BCAS3: variants seen among roughly 807,000 people sequenced by gnomAD.
BCAS3 encodes the protein BCAS4/BCAS3 fusion.
BCAS3 carries 53 observed loss-of-function variants against 116.1 expected under a neutral mutation model. The ratio of observed to expected loss-of-function variants is 0.46; its 90% CI spans 0.37 to 0.57. BCAS3 has a LOEUF of 0.57. Ranked by LOEUF, BCAS3 falls within the 20% of genes least tolerant of loss-of-function variation. The probability of loss-of-function intolerance (pLI) is 0.00; values close to 1 mark genes in which losing one functional copy is unlikely to be tolerated. For missense variants in BCAS3, 917 were observed against 1,165.4 expected, an observed-to-expected ratio of 0.79 and a Z score of 3.10; for synonymous variants, 391 against 408.2, an observed-to-expected ratio of 0.96 and a Z score of 0.51.
At position 61,176,492 on chromosome 17, in the gene BCAS3, G is replaced by GT. The variant is rs1204585340; in HGVS notation, c.2425+91934dup. On this transcript the variant is annotated intron_variant, in intron 22 of 23. Transcript: ENST00000407086. ...CCTGTCCCCCCATTGTCAGTGATTT[G>GT]TTTTTTCTGACAGGTTGAAAATTGT... Among the ~76,000 whole-genome samples, 3 of 150,596 alleles carry GT rather than the reference G, an allele frequency of 2.0e-5. No homozygotes were observed. In the South Asian group the frequency reaches 6.3e-4, roughly 32 times the overall value.
intron 22 of BCAS3, among the ~76,000 whole-genome samples, chr17:61,245,729 C>T (rs1290121706): frequency 2.6e-5 from 4 of 152,076 alleles, no homozygotes; most frequent in Non-Finnish European, 5.9e-5. Context: ...AGCTATTGGG[C>T]TCTCAGAAAA....
intron 16 of BCAS3, among the ~76,000 whole-genome samples, chr17:61,030,183 ATTCTT>A (rs1253021539): frequency 6.6e-6 from 1 of 152,084 alleles, no homozygotes; most frequent in Non-Finnish European, 1.5e-5. Context: ...AATATTGACT[ATTCTT>A]TTATGTTTTA....
At chr17:61,268,988 A>G (rs977493340) in intron 22 of BCAS3, among the ~76,000 whole-genome samples, 2 of 152,124 alleles carry the variant, frequency 1.3e-5, no homozygotes, top group South Asian at 2.1e-4. Flanking sequence ...ATATATGTAT[A>G]TACCCCATTT....
chr17:61,265,907 A>G lies in BCAS3; in HGVS notation c.2426-102420A>G, dbSNP rs2049658931. Among the ~76,000 whole-genome samples, 1 of 152,194 alleles carries G rather than the reference A, an allele frequency of 6.6e-6. No individual in the cohort carries two copies. The highest frequency in any genetic ancestry group is 1.5e-5 in the Non-Finnish European group (1 of 68,034). On this transcript the variant is annotated intron_variant, in intron 22 of 23. Transcript: ENST00000407086. The surrounding 1 kb of genome is among the most constrained non-coding windows in gnomAD (Gnocchi z 4.3). Reference sequence around the variant, plus strand: ...AGTTGCTTGTTTCTTTCTCTATATAAAAGACAAATGTCTTTATCTTGTGGA... The same window carrying G: ...AGTTGCTTGTTTCTTTCTCTATATAGAAGACAAATGTCTTTATCTTGTGGA...
intron 6 of BCAS3, among the ~76,000 whole-genome samples, chr17:60,799,357 C>T (rs569156163): frequency 4.6e-5 from 7 of 152,048 alleles, no homozygotes; most frequent in Non-Finnish European, 7.4e-5. Context: ...TCACCACCAG[C>T]ACAATCAAGA....
intron 22 of BCAS3, among the ~76,000 whole-genome samples, chr17:61,336,000 C>T (rs559453095): frequency 4.0e-4 from 61 of 152,358 alleles, no homozygotes; most frequent in Non-Finnish European, 7.1e-4. Context: ...GGGGAGCCCT[C>T]GCTCCCAGCC....
rs928854255 is a variant in BCAS3 at position 61,196,918 on chromosome 17, A to T, written c.2425+112354A>T. On this transcript the variant is annotated intron_variant, in intron 22 of 23. Coordinates refer to ENST00000407086, the MANE Select transcript of BCAS3 (RefSeq NM_017679.5). This position sits in a 1 kb window ranked among gnomAD's most constrained non-coding sequence, Gnocchi z 4.7. The stretch of plus-strand genomic sequence containing the variant: ...TTTATGTCCTGTTTACATCTCCCAA[A>T]CACTTATGTAGAACATTCAATGCTA... Among the ~76,000 whole-genome samples the T allele has an allele frequency of 6.6e-6, 1 of 152,200 alleles. No homozygotes were observed. The highest frequency in any genetic ancestry group is 1.5e-5 in the Non-Finnish European group (1 of 68,030).
In BCAS3 at chr17:61,037,039, C is replaced by T. The variant is rs930750641; in HGVS notation, c.1763-850C>T. Among the ~76,000 whole-genome samples the T allele has an allele frequency of 9.9e-5, 15 of 152,188 alleles. 1 individual carries two copies. The highest frequency in any genetic ancestry group is 4.6e-4 in the Admixed American group (7 of 15,286). On this transcript the variant is annotated intron_variant, in intron 17 of 23. Transcript: ENST00000407086. This position sits in a 1 kb window ranked among gnomAD's most constrained non-coding sequence, Gnocchi z 4.7. ...ATCAGTATCCCCAACCAGAGTGGTA[C>T]GTGTGTTTGGATTGATGAACCTACA...
chr17:61,055,458 A>G (rs1323385534), intron 19 of BCAS3, among the ~76,000 whole-genome samples: 1 of 152,210 alleles, frequency 6.6e-6, no homozygotes, highest in Admixed American at 6.5e-5. Context: ...TGACCAATCC[A>G]CCAGGGGCTA....
intron 5 of BCAS3, among the ~76,000 whole-genome samples, chr17:60,710,333 G>C (rs994310736): frequency 1.3e-5 from 2 of 152,072 alleles, no homozygotes; most frequent in South Asian, 4.2e-4. Flanking sequence ...TATTACCTCA[G>C]ATTTAATGGA....
rs2074562397 is a variant in BCAS3, at chr17:61,105,153, C to T, written c.2425+20589C>T. Among the ~76,000 whole-genome samples, 2 of 152,180 alleles carry T rather than the reference C, an allele frequency of 1.3e-5. No homozygotes were observed. Among genetic ancestry groups the T allele is most frequent in the South Asian group, 2.1e-4 (1 of 4,828 alleles). On this transcript the variant is annotated intron_variant, in intron 22 of 23. Transcript: ENST00000407086. The surrounding 1 kb of genome is among the most constrained non-coding windows in gnomAD (Gnocchi z 4.3). ...GTGCTATTTAAATATTCTCTACTTA[C>T]ATTTATTGAAAACTACCCTGCCGCA...
chr17:61,350,174 AG>A (rs2057744404), intron 22 of BCAS3, among the ~76,000 whole-genome samples: 1 of 151,986 alleles, frequency 6.6e-6, no homozygotes, highest in South Asian at 2.1e-4. Context: ...ATGGCATTAC[AG>A]AGTGCTGTAA....
At chr17:61,385,485 A>G (rs949831559) in intron 23 of BCAS3, among the ~76,000 whole-genome samples, 5 of 152,196 alleles carry the variant, frequency 3.3e-5, no homozygotes, top group Non-Finnish European at 1.5e-5. Context: ...TCCTCTTCAC[A>G]TGTCCCATCA....
rs1314225746 is a variant in BCAS3, at chr17:60,960,149, C to T, written c.1221+12797C>T. Among the ~76,000 whole-genome samples, 4 of 152,152 alleles carry T rather than the reference C, an allele frequency of 2.6e-5. No individual in the cohort carries two copies. The highest frequency in any genetic ancestry group is 5.9e-5 in the Non-Finnish European group (4 of 68,024). On this transcript the variant is annotated intron_variant, in intron 14 of 23. Coordinates refer to ENST00000407086, the MANE Select transcript of BCAS3 (RefSeq NM_017679.5). The surrounding 1 kb of genome is among the most constrained non-coding windows in gnomAD (Gnocchi z 4.1). ...ATAATTCACTTCTCTGTATTCTATC[C>T]TCTGCCTCCCAGAATTCATGTTCAT...
chr17:61,152,665 C>A (rs1375318687), intron 22 of BCAS3, among the ~76,000 whole-genome samples: 1 of 151,954 alleles, frequency 6.6e-6, no homozygotes, highest in Non-Finnish European at 1.5e-5. Context: ...AAGTTTCAAT[C>A]TTTTTATTAT....
rs1355626569 is a variant in BCAS3 at position 61,227,792 on chromosome 17, T to C, written c.2426-140535T>C. 6.6e-6 allele frequency among the ~76,000 whole-genome samples: 1 copy of C among 152,248 alleles called. No homozygotes were observed. The highest frequency in any genetic ancestry group is 1.5e-5 in the Non-Finnish European group (1 of 68,048). On this transcript the variant is annotated intron_variant, in intron 22 of 23. Transcript: ENST00000407086. This position sits in a 1 kb window ranked among gnomAD's most constrained non-coding sequence, Gnocchi z 6.1. ...ATTTATATTTTCTGTAATGATTTTC[T>C]GTTGCTCTCTGCTTGATTTTATGTA...
At chr17:61,294,820 C>T (rs1045173010) in intron 22 of BCAS3, among the ~76,000 whole-genome samples, 1 of 152,184 alleles carries the variant, frequency 6.6e-6, no homozygotes, top group African/African-American at 2.4e-5. Flanking sequence ...TCAGTCTTCC[C>T]CAACCATCAT....
chr17:60,977,565 A>G (rs1030687520), intron 14 of BCAS3, among the ~76,000 whole-genome samples: 5 of 151,514 alleles, frequency 3.3e-5, no homozygotes, highest in Admixed American at 6.6e-5. Context: ...GGTTAGTTAC[A>G]TATGTATACA....
intron 22 of BCAS3, among the ~76,000 whole-genome samples, chr17:61,289,112 T>G (rs1198600023): frequency 6.6e-6 from 1 of 152,192 alleles, no homozygotes; most frequent in Non-Finnish European, 1.5e-5. Flanking sequence ...ACTCTTCATG[T>G]CGTCTAATCT....
Sources: gnomAD v4.1 joint callset for allele counts (sites outside exome capture counted in the v4.1 genomes callset) on GRCh38, gnomAD v4.1.1 for gene constraint, Gnocchi (gnomAD v3.1) non-coding constraint, MANE v1.5 for transcripts, NCBI Gene and HGNC (gene_info 2026-07-23, HGNC 2026-07-21) for gene names.